HDAC9: variants seen among roughly 807,000 people sequenced by gnomAD.
HDAC9 encodes the protein histone deacetylase 9.
In HDAC9, 41 loss-of-function variants were observed where a neutral mutation model predicts 139.4. The ratio of observed to expected loss-of-function variants is 0.29; its 90% CI spans 0.23 to 0.38. The LOEUF is 0.38. HDAC9 is among the 10% of genes least tolerant of loss of function. The pLI, the probability that HDAC9 is intolerant of heterozygous loss-of-function variation, is 1.00. For synonymous variants in HDAC9, 517 were observed against 476.2 expected, an observed-to-expected ratio of 1.09 and a Z score of -1.12; for missense variants, 1,147 against 1,297.0, an observed-to-expected ratio of 0.88 and a Z score of 1.78.
intron 1 of HDAC9, among the ~76,000 whole-genome samples, chr7:18,461,888 A>T (rs111682363): frequency 0.01 from 1,578 of 152,264 alleles, 28 homozygotes; most frequent in African/African-American, 0.036. Context: ...GATGCATCTT[A>T]TGTACCAGAC....
intron 21 of HDAC9, among the ~76,000 whole-genome samples, chr7:18,851,835 T>A (rs1373388105): frequency 6.6e-6 from 1 of 152,256 alleles, no homozygotes; most frequent in Non-Finnish European, 1.5e-5. Context: ...TTTTTCTTTC[T>A]TTTACGGAAA....
chr7:18,122,797 T>A (rs545657554), intron 1 of HDAC9, among the ~76,000 whole-genome samples: 1 of 152,182 alleles, frequency 6.6e-6, no homozygotes, highest in East Asian at 1.9e-4. Context: ...TTTTATATCT[T>A]TAGTTGAGAT....
Position 18,644,653 on chromosome 7 carries a change from C to T in HDAC9, c.913-18C>T. 1 of 1,599,470 alleles carries T rather than the reference C, an allele frequency of 6.3e-7. No individual in the cohort carries two copies. The highest frequency in any genetic ancestry group is 1.3e-5 in the African/African-American group (1 of 74,412). On this transcript the variant is annotated intron_variant, in intron 8 of 25. Coordinates refer to ENST00000686413, the MANE Select transcript of HDAC9 (RefSeq NM_178425.4). ...TGTGATACTGTGGTATTTTGAGACT[C>T]TCCTCTTTTTTTAACAGCAAATGGT...
chr7:18,805,117 G>GAATTTAAGT (rs1385839439), intron 17 of HDAC9, among the ~76,000 whole-genome samples: 8 of 152,292 alleles, frequency 5.3e-5, no homozygotes, highest in Admixed American at 5.2e-4. Context: ...TTCTTAAAAG[G>GAATTTAAGT]AATTTAAGTA....
intron 1 of HDAC9, among the ~76,000 whole-genome samples, chr7:18,332,259 G>T (rs577680500): frequency 6.6e-6 from 1 of 151,480 alleles, no homozygotes; most frequent in Non-Finnish European, 1.5e-5. Context: ...TTATAAACTG[G>T]TCTGTTTAGC....
chr7:18,928,520 C>T (rs975931252), intron 22 of HDAC9, among the ~76,000 whole-genome samples: 4 of 152,140 alleles, frequency 2.6e-5, no homozygotes, highest in Non-Finnish European at 4.4e-5. Context: ...ACATTGGTCA[C>T]TTTGATTATA....
chr7:18,508,928 A>G (rs1444807073), intron 2 of HDAC9, among the ~76,000 whole-genome samples: 1 of 152,232 alleles, frequency 6.6e-6, no homozygotes, highest in Non-Finnish European at 1.5e-5. Context: ...TCCCAAGAAA[A>G]TATTTAGCAT....
chr7:18,921,103 C>G (rs533521045), intron 22 of HDAC9, among the ~76,000 whole-genome samples: 1 of 151,968 alleles, frequency 6.6e-6, no homozygotes, highest in African/African-American at 2.4e-5. Context: ...TAAAGACTTA[C>G]ATGTTAGACC....
chr7:18,162,861 C>T (rs1787738178), intron 2 of HDAC9, among the ~76,000 whole-genome samples: 1 of 152,126 alleles, frequency 6.6e-6, no homozygotes. Flanking sequence ...CCTGCTTCCT[C>T]CTATTCCAGT....
chr7:18,493,074 T>C (rs575547108), upstream of HDAC9, among the ~76,000 whole-genome samples: 49 of 152,132 alleles, frequency 3.2e-4, no homozygotes, highest in Middle Eastern at 0.01. Context: ...TTATGTGGAA[T>C]GCCCTTTCCT....
chr7:18,719,656 T>G (rs1584909921), intron 12 of HDAC9, among the ~76,000 whole-genome samples: 1 of 152,248 alleles, frequency 6.6e-6, no homozygotes, highest in East Asian at 1.9e-4. Context: ...ACCTATTTTT[T>G]TGGGGGAGGG....
At chr7:18,872,575 A>G (rs1013370557) in intron 21 of HDAC9, among the ~76,000 whole-genome samples, 6 of 152,086 alleles carry the variant, frequency 3.9e-5, no homozygotes, top group Non-Finnish European at 5.9e-5. Flanking sequence ...TTTTTCAGTT[A>G]GTTTCTCCAA....
chr7:18,189,241 G>A (rs2128148353), intron 2 of HDAC9, among the ~76,000 whole-genome samples: 1 of 150,754 alleles, frequency 6.6e-6, no homozygotes, highest in South Asian at 2.1e-4. Context: ...ACTAACACAG[G>A]AACAGAAAAC....
intron 1 of HDAC9, among the ~76,000 whole-genome samples, chr7:18,147,523 G>A (rs1786428663): frequency 6.6e-6 from 1 of 151,590 alleles, no homozygotes. Flanking sequence ...AGCATATGTT[G>A]TTTATTTTTT....
At chr7:18,745,058 G>A (rs1383322458) in intron 13 of HDAC9, among the ~76,000 whole-genome samples, 2 of 152,036 alleles carry the variant, frequency 1.3e-5, no homozygotes, top group Admixed American at 1.3e-4. Context: ...TAATCAGTGA[G>A]CCAGAAAGGG....
At chr7:18,653,678 T>A (rs150728908) in intron 11 of HDAC9, among the ~76,000 whole-genome samples, 59 of 152,308 alleles carry the variant, frequency 3.9e-4, no homozygotes, top group African/African-American at 1.3e-3. Context: ...TGTACTGTGT[T>A]GCCCTTATTA....
chr7:18,421,406 AAAG>A (rs760717846), intron 1 of HDAC9, among the ~76,000 whole-genome samples: 89 of 151,862 alleles, frequency 5.9e-4, no homozygotes, highest in Non-Finnish European at 9.1e-4. Flanking sequence ...GGAGGGAAGA[AAAG>A]AAGGAAGGAA....
chr7:18,239,989 ACTTTGTC>A (rs1432839241), intron 2 of HDAC9, among the ~76,000 whole-genome samples: 1 of 138,326 alleles, frequency 7.2e-6, no homozygotes, highest in Admixed American at 7.5e-5. Context: ...TTTGTCCTGG[ACTTTGTC>A]CAGGACAGAA....
chr7:18,491,379 C>T (rs912825497), upstream of HDAC9, among the ~76,000 whole-genome samples: 4 of 151,824 alleles, frequency 2.6e-5, no homozygotes, highest in African/African-American at 9.7e-5. Context: ...ATGATGCAGA[C>T]AAACCGTATT....
Sources: allele counts gnomAD v4.1 joint callset (sites outside exome capture counted in the v4.1 genomes callset), GRCh38; gene constraint gnomAD v4.1.1; transcripts MANE v1.5; gene names NCBI Gene and HGNC (gene_info 2026-07-23, HGNC 2026-07-21).